OR51A4: variants seen among roughly 807,000 people sequenced by gnomAD.
The protein encoded by OR51A4 is olfactory receptor family 51 subfamily A member 4.
For missense variants in OR51A4, 243 were observed against 364.0 expected, an observed-to-expected ratio of 0.67 and a Z score of 2.70; for synonymous variants, 96 against 141.5, an observed-to-expected ratio of 0.68 and a Z score of 2.28.
chr11:4,943,575 C>G lies in OR51A4; in HGVS notation c.*2584G>C, dbSNP rs970161587. 4.7e-6 allele frequency: 2 copies of G among 425,934 alleles called. No individual in the cohort carries two copies. The highest frequency in any genetic ancestry group is 4.1e-5 in the African/African-American group (2 of 48,944). 26.4% of individuals were successfully genotyped at this position (425,934 alleles called of 1,614,324 possible). The stretch of plus-strand genomic sequence containing the variant: ...CTGTACATTAAAGAATGGTTAGTAG[C>G]GTCTCCGGCCTCTAATCAGTGGAAG... On this transcript the variant is annotated 3_prime_UTR_variant, in exon 2 of 2. Transcript: ENST00000641898.
In OR51A4 at chr11:4,946,579, G is replaced by A. The variant is rs375550618; in HGVS notation, c.522C>T (p.Asn174=). The A allele has an allele frequency of 1.3e-6, 2 of 1,583,102 alleles. No individual in the cohort carries two copies. Among genetic ancestry groups the A allele is most frequent in the African/African-American group, 2.7e-5 (2 of 73,486 alleles). The change falls in exon 2 of 2, where the codon AAC becomes AAT. Residue 174 remains asparagine, a synonymous_variant. Transcript: ENST00000641898. ...GGAGACAGTAGGAATGGGATAATTG[G>A]TTTTTCTTGCAATATCTCAAGTTTC... The part of the protein sequence containing the change: ...TLRNLRYCKK[N]QLSHSYCLHQ...
At position 4,943,496 on chromosome 11, in the gene OR51A4, T is replaced by C; in HGVS notation, c.*2663A>G. 2 of 456,298 alleles carry C rather than the reference T, an allele frequency of 4.4e-6. No homozygotes were observed. Among genetic ancestry groups the C allele is most frequent in the South Asian group, 3.1e-5 (2 of 64,524 alleles). 28.3% of individuals were successfully genotyped at this position (456,298 alleles called of 1,614,324 possible). A position where few individuals can be genotyped will look rare whatever the true frequency, so the allele number is the denominator to read the frequency against. Reference sequence around the variant, plus strand: ...TACATTTAGACTAAGGTTTTTTTAATGCTTGGCACCACTGACATTTTGTGC... The same window carrying C: ...TACATTTAGACTAAGGTTTTTTTAACGCTTGGCACCACTGACATTTTGTGC... On this transcript the variant is annotated 3_prime_UTR_variant, in exon 2 of 2. Coordinates refer to ENST00000641898, the MANE Select transcript of OR51A4 (RefSeq NM_001005329.2).
Position 4,946,538 on chromosome 11 carries a change from T to A in OR51A4, c.563A>T (p.Lys188Met), listed in dbSNP as rs1400495762. 6.2e-7 allele frequency: 1 copy of A among 1,601,502 alleles called. No individual in the cohort carries two copies. ...HSYCLHQDVM[K>M]LACSDNRIDV... The stretch of plus-strand genomic sequence containing the variant: ...AATTCTGTTGTCAGAACAGGCCAAC[T>A]TCATGACATCCTGGTGGAGACAGTA... Residue 188 changes from lysine (K) to methionine (M), a missense_variant, in exon 2 of 2, where the codon AAG (lysine) becomes ATG (methionine). By Grantham distance (95) the Lys-to-Met change is moderately conservative. Transcript: ENST00000641898.
chr11:4,943,725 A>G lies in OR51A4; in HGVS notation c.*2434T>C. On this transcript the variant is annotated 3_prime_UTR_variant, in exon 2 of 2. Transcript: ENST00000641898. ...CTGTTTAAGGAGCCCCAGAGTTGAG[A>G]TTTTAATCCTCCAAAAACTACATTC... 1 of 354,812 alleles carries G rather than the reference A, an allele frequency of 2.8e-6. No homozygotes were observed. Among genetic ancestry groups the G allele is most frequent in the South Asian group, 2.2e-5 (1 of 44,546 alleles). 22.0% of individuals were successfully genotyped at this position (354,812 alleles called of 1,614,324 possible).
rs748603446 is a variant in OR51A4 at position 4,943,196 on chromosome 11, C to T, written c.*2963G>A. ...AATAGAAAAACAAAATGAAACACAGCGAAACAATAAGAAGACTTACTAGAA... is the reference window on the plus strand; with the variant it reads ...AATAGAAAAACAAAATGAAACACAGTGAAACAATAAGAAGACTTACTAGAA... On this transcript the variant is annotated 3_prime_UTR_variant, in exon 2 of 2. Coordinates refer to ENST00000641898, the MANE Select transcript of OR51A4 (RefSeq NM_001005329.2). 2.6e-4 allele frequency: 48 copies of T among 181,182 alleles called. No homozygotes were observed. Among genetic ancestry groups the T allele is most frequent in the East Asian group, 1.3e-3 (8 of 6,348 alleles). The allele number at this position is 181,182 out of a possible 1,614,324, so 11.2% of individuals were successfully genotyped here. A position where few individuals can be genotyped will look rare whatever the true frequency, so the allele number is the denominator to read the frequency against.
chr11:4,943,628 G>A lies in OR51A4; in HGVS notation c.*2531C>T. On this transcript the variant is annotated 3_prime_UTR_variant, in exon 2 of 2. Coordinates refer to ENST00000641898, the MANE Select transcript of OR51A4 (RefSeq NM_001005329.2). Reference sequence around the variant, plus strand: ...AGTGACACACCCACACCCCCAGGTTGCAACAACCGAAGATGTCCCCAGACA... The same window carrying A: ...AGTGACACACCCACACCCCCAGGTTACAACAACCGAAGATGTCCCCAGACA... The A allele has an allele frequency of 2.7e-6, 1 of 369,698 alleles. No homozygotes were observed. The highest frequency in any genetic ancestry group is 2.1e-5 in the South Asian group (1 of 47,508). 22.9% of individuals were successfully genotyped at this position (369,698 alleles called of 1,614,324 possible). A position where few individuals can be genotyped will look rare whatever the true frequency, so the allele number is the denominator to read the frequency against.
Position 4,944,348 on chromosome 11 carries a change from C to G in OR51A4, c.*1811G>C, listed in dbSNP as rs1047766080. 3.0e-5 allele frequency: 5 copies of G among 165,576 alleles called. No homozygotes were observed. The highest frequency in any genetic ancestry group is 1.2e-4 in the African/African-American group (5 of 41,550). The allele number at this position is 165,576 out of a possible 1,614,324, so 10.3% of individuals were successfully genotyped here. On this transcript the variant is annotated 3_prime_UTR_variant, in exon 2 of 2. Coordinates refer to ENST00000641898, the MANE Select transcript of OR51A4 (RefSeq NM_001005329.2). ...TTTCATTAAATCAAACTCTCAGAGC[C>G]TCAATCTCTTCAACTAAAATAAATA...
At position 4,946,955 on chromosome 11, in the gene OR51A4, A is replaced by G. The variant is rs765320524; in HGVS notation, c.146T>C (p.Phe49Ser). Residue 49 changes from phenylalanine (F) to serine (S), a missense_variant, in exon 2 of 2, where the codon TTT becomes TCT. Coordinates refer to ENST00000641898, the MANE Select transcript of OR51A4 (RefSeq NM_001005329.2). Reference sequence around the variant, plus strand: ...CAAGGAGGGCTCTGTCTTGATGATAAAAAGAATGGTGCCATTTCCTAGAAT... The same window carrying G: ...CAAGGAGGGCTCTGTCTTGATGATAGAAAGAATGGTGCCATTTCCTAGAAT... ...IAILGNGTIL[F>S]IIKTEPSLHE... 1 of 1,605,584 alleles carries G rather than the reference A, an allele frequency of 6.2e-7. No homozygotes were observed. The highest frequency in any genetic ancestry group is 1.1e-5 in the South Asian group (1 of 90,820).
rs753304813 is a variant in OR51A4, at chr11:4,946,389, C to A, written c.712G>T (p.Ala238Ser). The change falls in exon 2 of 2, where the codon GCT (alanine) becomes TCT (serine). Residue 238 changes from alanine (A) to serine (S), a missense_variant. Ala to Ser is a moderately conservative substitution (Grantham distance 99). Coordinates refer to ENST00000641898, the MANE Select transcript of OR51A4 (RefSeq NM_001005329.2). ...ATGTGTGAAACACAAGTATTGAGAG[C>A]CTTAAGCTGCTCCTTTTTGGATGCA... ...GIASKKEQLK[A>S]LNTCVSHICA... 5 of 1,613,312 alleles carry A rather than the reference C, an allele frequency of 3.1e-6. No individual in the cohort carries two copies. The highest frequency in any genetic ancestry group is 2.7e-5 in the African/African-American group (2 of 74,560).
At position 4,944,858 on chromosome 11, in the gene OR51A4, C is replaced by T. The variant is rs1191262330; in HGVS notation, c.*1301G>A. 6.6e-6 allele frequency: 1 copy of T among 151,828 alleles called. No individual in the cohort carries two copies. The highest frequency in any genetic ancestry group is 2.4e-5 in the African/African-American group (1 of 41,364). 9.4% of individuals were successfully genotyped at this position (151,828 alleles called of 1,614,324 possible). On this transcript the variant is annotated 3_prime_UTR_variant, in exon 2 of 2. Transcript: ENST00000641898. ...ATAGACAATTTAAAAAACTTGTATC[C>T]TACCTTGAAGAAATATTACTGAACT...
Position 4,943,398 on chromosome 11 carries a change from C to T in OR51A4, c.*2761G>A, listed in dbSNP as rs928579966. ...AGGAACTTCTCTGGTATCAGATTGC[C>T]CCTAGGTGCTGTGTAGGTGAGCTCA... is the stretch of plus-strand genomic sequence containing the variant. On this transcript the variant is annotated 3_prime_UTR_variant, in exon 2 of 2. Coordinates refer to ENST00000641898, the MANE Select transcript of OR51A4 (RefSeq NM_001005329.2). 2 of 439,460 alleles carry T rather than the reference C, an allele frequency of 4.6e-6. No individual in the cohort carries two copies. Among genetic ancestry groups the T allele is most frequent in the Non-Finnish European group, 9.2e-6 (2 of 218,260 alleles). The allele number at this position is 439,460 out of a possible 1,614,324, so 27.2% of individuals were successfully genotyped here.
Position 4,944,817 on chromosome 11 carries a change from T to C in OR51A4, c.*1342A>G, listed in dbSNP as rs1044536734. ...TTTTAAAAATCATTAGCATCAATGA[T>C]ATGCCTATATTTGAAATAGACAATT... On this transcript the variant is annotated 3_prime_UTR_variant, in exon 2 of 2. Coordinates refer to ENST00000641898, the MANE Select transcript of OR51A4 (RefSeq NM_001005329.2). The C allele has an allele frequency of 6.6e-6, 1 of 152,150 alleles. No homozygotes were observed. Among genetic ancestry groups the C allele is most frequent in the African/African-American group, 2.4e-5 (1 of 41,438 alleles). 9.4% of individuals were successfully genotyped at this position (152,150 alleles called of 1,614,324 possible).
In OR51A4 at chr11:4,945,680, C is replaced by T. The variant is rs1846287075; in HGVS notation, c.*479G>A. 2 of 190,516 alleles carry T rather than the reference C, an allele frequency of 1.0e-5. No homozygotes were observed. Among genetic ancestry groups the T allele is most frequent in the South Asian group, 1.0e-4 (1 of 9,998 alleles). 11.8% of individuals were successfully genotyped at this position (190,516 alleles called of 1,614,324 possible). ...TATCTATTGGGTACTATGCTCACTACCCGGGTCCCATATAACCATGTAAAA... is the reference window on the plus strand; with the variant it reads ...TATCTATTGGGTACTATGCTCACTATCCGGGTCCCATATAACCATGTAAAA... On this transcript the variant is annotated 3_prime_UTR_variant, in exon 2 of 2. Coordinates refer to ENST00000641898, the MANE Select transcript of OR51A4 (RefSeq NM_001005329.2).
rs1163378637 is a variant in OR51A4, at chr11:4,944,270, G to C, written c.*1889C>G. The C allele has an allele frequency of 4.6e-6, 1 of 216,850 alleles. No homozygotes were observed. Among genetic ancestry groups the C allele is most frequent in the East Asian group, 1.5e-4 (1 of 6,882 alleles). 13.4% of individuals were successfully genotyped at this position (216,850 alleles called of 1,614,324 possible). A position where few individuals can be genotyped will look rare whatever the true frequency, so the allele number is the denominator to read the frequency against. On this transcript the variant is annotated 3_prime_UTR_variant, in exon 2 of 2. Coordinates refer to ENST00000641898, the MANE Select transcript of OR51A4 (RefSeq NM_001005329.2). The stretch of plus-strand genomic sequence containing the variant: ...ATGTATTCAAGATAATACTATCCTG[G>C]AGCATCAGAGATTAGGTTTGAACCC...
rs1846261195 is a variant in OR51A4 at position 4,944,294 on chromosome 11, C to T, written c.*1865G>A. On this transcript the variant is annotated 3_prime_UTR_variant, in exon 2 of 2. Coordinates refer to ENST00000641898, the MANE Select transcript of OR51A4 (RefSeq NM_001005329.2). ...GGAGCATCAGAGATTAGGTTTGAAC[C>T]CCAGCTTTTGACTTCCTCTCTGTGT... 5.7e-6 allele frequency: 1 copy of T among 175,100 alleles called. No individual in the cohort carries two copies. Among genetic ancestry groups the T allele is most frequent in the Admixed American group, 6.3e-5 (1 of 15,772 alleles). 10.8% of individuals were successfully genotyped at this position (175,100 alleles called of 1,614,324 possible). A position where few individuals can be genotyped will look rare whatever the true frequency, so the allele number is the denominator to read the frequency against.
chr11:4,945,885 A>T lies in OR51A4; in HGVS notation c.*274T>A, dbSNP rs1310698243. Reference sequence around the variant, plus strand: ...AACTTCTGTCAGAGCTGTAAAAATTATCATTTTTCTGTCTTGGTTGTAATT... The same window carrying T: ...AACTTCTGTCAGAGCTGTAAAAATTTTCATTTTTCTGTCTTGGTTGTAATT... On this transcript the variant is annotated 3_prime_UTR_variant, in exon 2 of 2. Transcript: ENST00000641898. 1 of 433,386 alleles carries T rather than the reference A, an allele frequency of 2.3e-6. No individual in the cohort carries two copies. The highest frequency in any genetic ancestry group is 4.5e-5 in the East Asian group (1 of 22,112). 26.8% of individuals were successfully genotyped at this position (433,386 alleles called of 1,614,324 possible). A position where few individuals can be genotyped will look rare whatever the true frequency, so the allele number is the denominator to read the frequency against.
chr11:4,943,526 T>A lies in OR51A4; in HGVS notation c.*2633A>T. Reference sequence around the variant, plus strand: ...GGCACCACTGACATTTTGTGCTAGATAATTCTTTTGGGTAAGGGCTATCCT... The same window carrying A: ...GGCACCACTGACATTTTGTGCTAGAAAATTCTTTTGGGTAAGGGCTATCCT... On this transcript the variant is annotated 3_prime_UTR_variant, in exon 2 of 2. Transcript: ENST00000641898. 2.2e-6 allele frequency: 1 copy of A among 455,916 alleles called. No homozygotes were observed. The highest frequency in any genetic ancestry group is 4.4e-6 in the Non-Finnish European group (1 of 226,490). The allele number at this position is 455,916 out of a possible 1,614,324, so 28.2% of individuals were successfully genotyped here.
chr11:4,945,974 G>C lies in OR51A4; in HGVS notation c.*185C>G. On this transcript the variant is annotated 3_prime_UTR_variant, in exon 2 of 2. Transcript: ENST00000641898. ...TTTTATTCTGCTTAACTGAAATGGG[G>C]ACATAAGGCAACGTACTTCCTGTTT... 1.6e-6 allele frequency: 1 copy of C among 620,344 alleles called. No individual in the cohort carries two copies. The highest frequency in any genetic ancestry group is 2.9e-6 in the Non-Finnish European group (1 of 350,062). The allele number at this position is 620,344 out of a possible 1,614,324, so 38.4% of individuals were successfully genotyped here. A position where few individuals can be genotyped will look rare whatever the true frequency, so the allele number is the denominator to read the frequency against.
At position 4,946,403 on chromosome 11, in the gene OR51A4, T is replaced by C. The variant is rs1846305464; in HGVS notation, c.698A>G (p.Lys233Arg). Residue 233 changes from lysine (K) to arginine (R), a missense_variant, in exon 2 of 2, where the codon AAG (lysine) becomes AGG (arginine). Transcript: ENST00000641898. ...LKTVLGIASK[K>R]EQLKALNTCV... ...AGTATTGAGAGCCTTAAGCTGCTCC[T>C]TTTTGGATGCAATTCCCAGTACAGT... 1.2e-6 allele frequency: 2 copies of C among 1,613,226 alleles called. No individual in the cohort carries two copies.
Sources: allele counts gnomAD v4.1 joint callset, GRCh38; gene constraint gnomAD v4.1.1; transcripts MANE v1.5; gene names NCBI Gene and HGNC (gene_info 2026-07-23, HGNC 2026-07-21).